The following HDGFL3 variants were observed in gnomAD, a reference collection of about 807,000 sequenced individuals.
The protein encoded by HDGFL3 is HDGF like 3, also known as hepatoma-derived growth factor-related protein 3.
Under a neutral mutation model 27.6 loss-of-function variants are expected in HDGFL3, and 6 were observed. That is an observed-to-expected ratio of 0.22 (90% confidence interval 0.12 to 0.43). The LOEUF (loss-of-function observed/expected upper bound fraction) is 0.43, where lower values mean the gene tolerates loss of function less well. HDGFL3 is among the 20% of genes least tolerant of loss of function. The probability of loss-of-function intolerance (pLI) is 1.00; values close to 1 mark genes in which losing one functional copy is unlikely to be tolerated. For synonymous variants in HDGFL3, 88 were observed against 88.9 expected, an observed-to-expected ratio of 0.99 and a Z score of 0.05; for missense variants, 207 against 250.1, an observed-to-expected ratio of 0.83 and a Z score of 1.16.
chr15:83,122,267 G>C (rs970180119), intron 3 of HDGFL3, among the ~76,000 whole-genome samples: 3 of 152,114 alleles, frequency 2.0e-5, no homozygotes, highest in African/African-American at 4.8e-5. Context: ...TTGAGGGAGT[G>C]AGTATGGTGT....
chr15:83,151,708 G>C (rs1443590837), intron 4 of HDGFL3, among the ~76,000 whole-genome samples: 1 of 152,204 alleles, frequency 6.6e-6, no homozygotes, highest in Non-Finnish European at 1.5e-5. Flanking sequence ...GAAGGCTACA[G>C]AAGTGGAAGG....
chr15:83,130,611 T>G lies in HDGFL3; in HGVS notation c.*8659A>C, dbSNP rs2036164101. On this transcript the variant is annotated 3_prime_UTR_variant, in exon 6 of 6. Coordinates refer to ENST00000299633, the MANE Select transcript of HDGFL3 (RefSeq NM_016073.4). The stretch of plus-strand genomic sequence containing the variant: ...GAATTATGGGTCTGATTCCCACAGC[T>G]CTTGGCTGAGCTTTAATATCTACCC... 6.6e-6 allele frequency: 1 copy of G among 152,216 alleles called. No individual in the cohort carries two copies. Among genetic ancestry groups the G allele is most frequent in the South Asian group, 2.1e-4 (1 of 4,832 alleles). 9.4% of individuals were successfully genotyped at this position (152,216 alleles called of 1,614,324 possible). A position where few individuals can be genotyped will look rare whatever the true frequency, so the allele number is the denominator to read the frequency against.
intron 1 of HDGFL3, among the ~76,000 whole-genome samples, chr15:83,177,354 G>A (rs2037325348): frequency 6.6e-6 from 1 of 152,138 alleles, no homozygotes; most frequent in Non-Finnish European, 1.5e-5. Context: ...ATAAGCAAAT[G>A]TTTTATTTTT....
At chr15:83,154,764 T>A (rs1419560008) in intron 4 of HDGFL3, among the ~76,000 whole-genome samples, 2 of 152,204 alleles carry the variant, frequency 1.3e-5, no homozygotes, top group Non-Finnish European at 2.9e-5. Flanking sequence ...TGTCAAACAA[T>A]GTAAGCTTGT....
In HDGFL3 at chr15:83,192,798, T is replaced by C. The variant is rs191955979; in HGVS notation, c.84+14533A>G. 2.6e-4 allele frequency among the ~76,000 whole-genome samples: 39 copies of C among 152,340 alleles called. No homozygotes were observed. In the East Asian group the frequency reaches 7.5e-3, roughly 29 times the overall value. ...CAACCAATCCATCTTGACCACCCTA[T>C]ATGTACAACATCTGATTCAATCATT... On this transcript the variant is annotated intron_variant, in intron 1 of 5. Coordinates refer to ENST00000299633, the MANE Select transcript of HDGFL3 (RefSeq NM_016073.4).
chr15:83,127,319 G>T (rs1174199143), downstream of HDGFL3: 2 of 1,537,214 alleles, frequency 1.3e-6, no homozygotes, highest in Admixed American at 2.1e-5. Flanking sequence ...CAAGTTAACT[G>T]CCAATTTGCT....
chr15:83,181,977 T>G (rs1419776055), intron 1 of HDGFL3, among the ~76,000 whole-genome samples: 5 of 152,240 alleles, frequency 3.3e-5, no homozygotes, highest in Admixed American at 3.3e-4. Context: ...TAAAATACAT[T>G]GATCTTAAAT....
chr15:83,141,535 C>T (rs1456784710), intron 5 of HDGFL3, among the ~76,000 whole-genome samples: 2 of 152,174 alleles, frequency 1.3e-5, no homozygotes, highest in African/African-American at 4.8e-5. Context: ...TTTGAGTGTT[C>T]AGTGAAAACT....
chr15:83,194,952 T>C (rs954719195), intron 1 of HDGFL3, among the ~76,000 whole-genome samples: 3 of 152,134 alleles, frequency 2.0e-5, no homozygotes, highest in African/African-American at 7.2e-5. Context: ...GAAAAAGCAA[T>C]AGAACAAAAT....
intron 4 of HDGFL3, among the ~76,000 whole-genome samples, chr15:83,156,214 A>G (rs1056869588): frequency 7.2e-5 from 11 of 152,212 alleles, no homozygotes; most frequent in African/African-American, 2.6e-4. Context: ...TCTGCCATAT[A>G]TGGCTTCTCC....
chr15:83,155,619 CAT>C lies in HDGFL3; in HGVS notation c.459+1794_459+1795del, dbSNP rs112181692. On this transcript the variant is annotated intron_variant, in intron 4 of 5. Coordinates refer to ENST00000299633, the MANE Select transcript of HDGFL3 (RefSeq NM_016073.4). The stretch of plus-strand genomic sequence containing the variant: ...ACTTTATCCCCATCCAAGGCAATCA[CAT>C]GTTTTTCATTAGGTACACAGGAAAC... 1.9e-3 allele frequency among the ~76,000 whole-genome samples: 297 copies of C among 152,314 alleles called. 3 individuals carry two copies. Among genetic ancestry groups the C allele is most frequent in the African/African-American group, 6.8e-3 (283 of 41,574 alleles).
rs946328016 is a variant in HDGFL3 at position 83,130,540 on chromosome 15, G to T, written c.*8730C>A. 6.6e-6 allele frequency: 1 copy of T among 152,220 alleles called. No homozygotes were observed. Among genetic ancestry groups the T allele is most frequent in the Non-Finnish European group, 1.5e-5 (1 of 68,078 alleles). The allele number at this position is 152,220 out of a possible 1,614,324, so 9.4% of individuals were successfully genotyped here. ...TAAGGACCAGATCCTGTAAATGTCA[G>T]AAGGATGTTTCTCCCAGCCCAGCAG... is the stretch of plus-strand genomic sequence containing the variant. On this transcript the variant is annotated 3_prime_UTR_variant, in exon 6 of 6. Coordinates refer to ENST00000299633, the MANE Select transcript of HDGFL3 (RefSeq NM_016073.4).
rs547851987 is a variant in HDGFL3 at position 83,135,205 on chromosome 15, T to TA, written c.*4064dup. 11 of 152,318 alleles carry TA rather than the reference T, an allele frequency of 7.2e-5. No individual in the cohort carries two copies. The highest frequency in any genetic ancestry group is 4.1e-4 in the South Asian group (2 of 4,828). The allele number at this position is 152,318 out of a possible 1,614,324, so 9.4% of individuals were successfully genotyped here. ...AGCCCATTAAAATATCTGCCACTGA[T>TA]AAAAAATTCATAAAGATGCTGCTTA... On this transcript the variant is annotated 3_prime_UTR_variant, in exon 6 of 6. Coordinates refer to ENST00000299633, the MANE Select transcript of HDGFL3 (RefSeq NM_016073.4).
Position 83,207,332 on chromosome 15 carries a change from C to T in HDGFL3, c.83G>A (p.Arg28Gln). 7.2e-7 allele frequency: 1 copy of T among 1,390,166 alleles called. No individual in the cohort carries two copies. The highest frequency in any genetic ancestry group is 9.4e-7 in the Non-Finnish European group (1 of 1,067,740). 86.1% of individuals were successfully genotyped at this position (1,390,166 alleles called of 1,614,324 possible). Residue 28 changes from arginine to glutamine, a missense_variant and splice_region_variant, in exon 1 of 6, where the codon CGG becomes CAG. Coordinates refer to ENST00000299633, the MANE Select transcript of HDGFL3 (RefSeq NM_016073.4). The surrounding 1 kb of genome is among the most constrained non-coding windows in gnomAD (Gnocchi z 4.8). ...CCCGCGCGCGGCCGCGGTACTCACCCGGGCCGGCCAGTGCGGGTAGCCCTT... is the reference window on the plus strand; with the variant it reads ...CCCGCGCGCGGCCGCGGTACTCACCTGGGCCGGCCAGTGCGGGTAGCCCTT... Reference protein sequence around the residue: ...KMKGYPHWPARIDELPEGAVK... With the variant: ...KMKGYPHWPAQIDELPEGAVK...
chr15:83,121,006 T>C (rs2035186548), intron 3 of HDGFL3, among the ~76,000 whole-genome samples: 3 of 152,158 alleles, frequency 2.0e-5, no homozygotes, highest in Admixed American at 1.3e-4. Context: ...AGAATTTCCT[T>C]TTGAATTTCT....
chr15:83,187,158 C>A (rs1316228229), intron 1 of HDGFL3, among the ~76,000 whole-genome samples: 1 of 131,040 alleles, frequency 7.6e-6, no homozygotes, highest in Non-Finnish European at 1.6e-5. Context: ...CTTGGAAATT[C>A]TTTTTTTTTT....
intron 1 of HDGFL3, among the ~76,000 whole-genome samples, chr15:83,204,224 G>C (rs1160458192): frequency 2.0e-5 from 3 of 151,246 alleles, no homozygotes; most frequent in South Asian, 2.1e-4. Context: ...ATATATATCA[G>C]ACATATATCA....
At position 83,188,360 on chromosome 15, in the gene HDGFL3, C is replaced by T. The variant is rs138208045; in HGVS notation, c.84+18971G>A. On this transcript the variant is annotated intron_variant, in intron 1 of 5. Transcript: ENST00000299633. ...TCTGCCTGCTGGTTCAAGCAATTCT[C>T]GCGCCTCAGCCTCCTGAGTAGCTGG... Among the ~76,000 whole-genome samples, 862 of 152,284 alleles carry T rather than the reference C, an allele frequency of 5.7e-3. 9 individuals carry two copies. The highest frequency in any genetic ancestry group is 0.034 in the Middle Eastern group (10 of 294).
Position 83,136,808 on chromosome 15 carries a change from G to A in HDGFL3, c.*2462C>T, listed in dbSNP as rs979664850. 4.5e-6 allele frequency: 3 copies of A among 670,056 alleles called. No homozygotes were observed. The highest frequency in any genetic ancestry group is 7.1e-6 in the Non-Finnish European group (3 of 422,532). 41.5% of individuals were successfully genotyped at this position (670,056 alleles called of 1,614,324 possible). ...CATTCTTGCTCTGCACTGTATGTGT[G>A]AGCTATATGGTATTGTGTAAATTTT... is the stretch of plus-strand genomic sequence containing the variant. On this transcript the variant is annotated 3_prime_UTR_variant, in exon 6 of 6. Coordinates refer to ENST00000299633, the MANE Select transcript of HDGFL3 (RefSeq NM_016073.4).
Sources: allele counts gnomAD v4.1 joint callset (sites outside exome capture counted in the v4.1 genomes callset), GRCh38; gene constraint gnomAD v4.1.1; non-coding constraint Gnocchi (gnomAD v3.1); transcripts MANE v1.5; gene names NCBI Gene and HGNC (gene_info 2026-07-23, HGNC 2026-07-21).